The following OSBPL8 variants were observed in gnomAD, a reference collection of about 807,000 sequenced individuals.
OSBPL8 encodes the protein oxysterol-binding protein-related protein 8.
A neutral mutation model predicts 125.5 loss-of-function variants in OSBPL8; 59 were observed. The observed-to-expected ratio is 0.47, with a 90% CI of 0.38 to 0.58. The LOEUF (loss-of-function observed/expected upper bound fraction) is 0.58. OSBPL8 is among the 20% of genes least tolerant of loss of function. The pLI is 0.00. For missense variants in OSBPL8, 758 were observed against 1,047.8 expected (o/e 0.72, Z 3.82); for synonymous variants, 330 against 338.9 (o/e 0.97, Z 0.29).
rs536522908 is a variant in OSBPL8, at chr12:76,426,060, T to A, written c.218-15426A>T. ...AATGGCCTGAGGCTGTCTCTGTATT[T>A]TTAGTTCCTAATAATGAACTGCAAG... On this transcript the variant is annotated intron_variant, in intron 4 of 23. Transcript: ENST00000261183. Among the ~76,000 whole-genome samples the A allele has an allele frequency of 2.0e-5, 3 of 152,318 alleles. No individual in the cohort carries two copies. In the East Asian group the frequency reaches 5.8e-4, roughly 29 times the overall value.
chr12:76,506,565 CTA>C (rs770182211), intron 1 of OSBPL8, among the ~76,000 whole-genome samples: 21 of 152,132 alleles, frequency 1.4e-4, no homozygotes, highest in African/African-American at 5.1e-4. Flanking sequence ...CAGAATTACT[CTA>C]TATATCTATG....
rs1206428390 is a variant in OSBPL8 at position 76,392,515 on chromosome 12, G to A, written c.929+66C>T. On this transcript the variant is annotated intron_variant, in intron 10 of 23. Transcript: ENST00000261183. ...GATACACTACTAAAATTCTAGGCCTGCCAACTAATTTTGTGAACAGTATGG... is the reference window on the plus strand; with the variant it reads ...GATACACTACTAAAATTCTAGGCCTACCAACTAATTTTGTGAACAGTATGG... The A allele has an allele frequency of 3.5e-6, 5 of 1,446,372 alleles. No homozygotes were observed. In the African/African-American group the frequency reaches 7.0e-5, roughly 20 times the overall value. The allele number at this position is 1,446,372 out of a possible 1,614,324, so 89.6% of individuals were successfully genotyped here.
chr12:76,536,038 T>C (rs549507261), intron 1 of OSBPL8, among the ~76,000 whole-genome samples: 5 of 152,206 alleles, frequency 3.3e-5, no homozygotes, highest in African/African-American at 4.8e-5. Context: ...GTGTAAATTA[T>C]ACCTGAATAA....
At position 76,456,407 on chromosome 12, in the gene OSBPL8, A is replaced by G. The variant is rs118142291; in HGVS notation, c.79+3452T>C. On this transcript the variant is annotated intron_variant, in intron 3 of 23. Coordinates refer to ENST00000261183, the MANE Select transcript of OSBPL8 (RefSeq NM_020841.5). ...AGTGGTAGCTCACACCTGTAATCCC[A>G]GCACTTTGGGAGGCAGGCAGATTAT... Among the ~76,000 whole-genome samples, 1,087 of 152,264 alleles carry G rather than the reference A, an allele frequency of 7.1e-3. 9 individuals are homozygous for G. The highest frequency in any genetic ancestry group is 0.03 in the South Asian group (146 of 4,820).
intron 4 of OSBPL8, among the ~76,000 whole-genome samples, chr12:76,440,641 T>A (rs1872077886): frequency 6.6e-6 from 1 of 152,162 alleles, no homozygotes; most frequent in Non-Finnish European, 1.5e-5. Flanking sequence ...TCTCCTCCCA[T>A]CATTTCACCT....
chr12:76,382,485 A>G (rs943069258), intron 15 of OSBPL8, among the ~76,000 whole-genome samples: 12 of 152,084 alleles, frequency 7.9e-5, no homozygotes, highest in African/African-American at 2.9e-4. Flanking sequence ...CCTGGCATCT[A>G]CCTACTGGAT....
intron 2 of OSBPL8, among the ~76,000 whole-genome samples, chr12:76,473,086 G>A (rs1178427295): frequency 6.6e-6 from 1 of 152,080 alleles, no homozygotes; most frequent in Non-Finnish European, 1.5e-5. Flanking sequence ...CCCTGTCCGG[G>A]CATAACAGAA....
At chr12:76,539,151 C>T (rs1474093361) in intron 1 of OSBPL8, among the ~76,000 whole-genome samples, 1 of 147,202 alleles carries the variant, frequency 6.8e-6, no homozygotes, top group South Asian at 2.2e-4. Flanking sequence ...AACAGCCACA[C>T]AGAGAAAAAA....
chr12:76,415,035 T>C (rs1868459203), intron 4 of OSBPL8, among the ~76,000 whole-genome samples: 1 of 152,178 alleles, frequency 6.6e-6, no homozygotes, highest in South Asian at 2.1e-4. Flanking sequence ...CCATATTCAT[T>C]ACTGATTGGA....
intron 8 of OSBPL8, among the ~76,000 whole-genome samples, chr12:76,395,192 C>T (rs1308049309): frequency 1.3e-5 from 2 of 152,046 alleles, no homozygotes; most frequent in African/African-American, 2.4e-5. Context: ...TGACATACAC[C>T]TGTTTTTAAA....
At chr12:76,373,287 T>A (rs1254052067) in intron 18 of OSBPL8, 57 bp downstream of exon 18, 2 of 1,176,726 alleles carry the variant, frequency 1.7e-6, no homozygotes, top group East Asian at 2.4e-5. Context: ...TAAATGTGAT[T>A]TTTTTTTTCC....
chr12:76,559,148 C>CA (rs1164697966), intron 1 of OSBPL8, among the ~76,000 whole-genome samples: 1 of 152,190 alleles, frequency 6.6e-6, no homozygotes, highest in African/African-American at 2.4e-5. Flanking sequence ...AACAGCCTCC[C>CA]ACCCCCGTTC....
chr12:76,549,211 G>A (rs1048181250), intron 1 of OSBPL8, among the ~76,000 whole-genome samples: 1 of 152,174 alleles, frequency 6.6e-6, no homozygotes, highest in Non-Finnish European at 1.5e-5. Flanking sequence ...ATTAAAGACA[G>A]AGAAGAGTTT....
At chr12:76,360,641 G>C (rs1368721484) in intron 21 of OSBPL8, among the ~76,000 whole-genome samples, 4 of 152,230 alleles carry the variant, frequency 2.6e-5, no homozygotes, top group Non-Finnish European at 4.4e-5. Flanking sequence ...CCGTGCCCCT[G>C]CAGCAATCTT....
chr12:76,392,487 C>T, intron 10 of OSBPL8, 94 bp downstream of exon 10: 4 of 1,222,630 alleles, frequency 3.3e-6, no homozygotes, highest in Non-Finnish European at 4.5e-6. Flanking sequence ...AATTTCAGTC[C>T]TAGATACACT....
intron 3 of OSBPL8, 65 bp from the exon 4 acceptor site, chr12:76,451,053 T>C (rs1483283319): frequency 6.7e-7 from 1 of 1,491,892 alleles, no homozygotes; most frequent in African/African-American, 1.4e-5. Context: ...GTATAGTTAA[T>C]AACATGGAAT....
chr12:76,371,317 C>A, intron 19 of OSBPL8, 131 bp downstream of exon 19: 1 of 1,015,766 alleles, frequency 9.8e-7, no homozygotes, highest in Non-Finnish European at 1.3e-6. Context: ...AGAATACTGT[C>A]ACTTCCACAA....
At chr12:76,448,883 T>C (rs546271660) in intron 4 of OSBPL8, among the ~76,000 whole-genome samples, 2 of 152,212 alleles carry the variant, frequency 1.3e-5, no homozygotes, top group South Asian at 4.1e-4. Flanking sequence ...CATGGTGGCA[T>C]GCGCCTGTAA....
chr12:76,422,906 C>T (rs1379846845), intron 4 of OSBPL8: 2 of 209,890 alleles, frequency 9.5e-6, no homozygotes, highest in African/African-American at 4.5e-5. Context: ...ACATGAAAGG[C>T]TATTCTACTA....
Sources: gnomAD v4.1 joint callset for allele counts (sites outside exome capture counted in the v4.1 genomes callset) on GRCh38, gnomAD v4.1.1 for gene constraint, MANE v1.5 for transcripts, NCBI Gene and HGNC (gene_info 2026-07-23, HGNC 2026-07-21) for gene names.